The following FER variants were observed in gnomAD, a reference collection of about 807,000 sequenced individuals.
The protein encoded by FER is FER tyrosine kinase.
A neutral mutation model predicts 111.0 loss-of-function variants in FER; 63 were observed. That is an observed-to-expected ratio of 0.57 (90% CI 0.46 to 0.70). FER has a LOEUF of 0.70. Ranked by LOEUF, FER falls within the 30% of genes least tolerant of loss-of-function variation. FER has a pLI of 0.00. For missense variants in FER, 914 were observed against 954.0 expected (o/e 0.96, Z 0.55); for synonymous variants, 327 against 313.9 (o/e 1.04, Z -0.44).
At chr5:108,941,024 G>C (rs1756191521) in intron 10 of FER, among the ~76,000 whole-genome samples, 1 of 152,076 alleles carries the variant, frequency 6.6e-6, no homozygotes, top group South Asian at 2.1e-4. Flanking sequence ...TAAAGTAGTG[G>C]GTGAGAGCAA....
chr5:109,184,761 C>T (rs1758677855), intron 18 of FER, among the ~76,000 whole-genome samples: 1 of 152,350 alleles, frequency 6.6e-6, no homozygotes, highest in Middle Eastern at 3.4e-3. Flanking sequence ...CTACTTCACA[C>T]AGCTGGAGCT....
chr5:108,799,227 C>T (rs62363276), intron 3 of FER, among the ~76,000 whole-genome samples: 29,575 of 152,106 alleles, frequency 0.19, 3,138 homozygotes, highest in African/African-American at 0.28. Flanking sequence ...GCCAGAATTA[C>T]ACTGTTAATT....
At chr5:108,935,323 C>A (rs1357555803) in intron 10 of FER, among the ~76,000 whole-genome samples, 1 of 152,088 alleles carries the variant, frequency 6.6e-6, no homozygotes, top group Non-Finnish European at 1.5e-5. Flanking sequence ...TTCCTTGGTT[C>A]ATAAACACAT....
intron 16 of FER, among the ~76,000 whole-genome samples, chr5:109,096,862 C>G (rs2150057093): frequency 6.6e-6 from 1 of 151,386 alleles, no homozygotes; most frequent in African/African-American, 2.4e-5. Flanking sequence ...ACAGCAAACA[C>G]CAAGTCCCTA....
In FER at chr5:109,193,981, A is replaced by G. The variant is rs1759557820; in HGVS notation, c.*6406A>G. 6.6e-6 allele frequency: 1 copy of G among 152,186 alleles called. No homozygotes were observed. The highest frequency in any genetic ancestry group is 2.4e-5 in the African/African-American group (1 of 41,434). The allele number at this position is 152,186 out of a possible 1,614,324, so 9.4% of individuals were successfully genotyped here. On this transcript the variant is annotated 3_prime_UTR_variant, in exon 20 of 20. Coordinates refer to ENST00000281092, the MANE Select transcript of FER (RefSeq NM_005246.4). ...AGGATGATCAGGTCACACTTGTTAG[A>G]TGACTAACACTATCAGTAGAAGCTC...
rs144408665 is a variant in FER at position 108,922,095 on chromosome 5, A to G, written c.1237-24035A>G. Among the ~76,000 whole-genome samples the G allele has an allele frequency of 4.7e-3, 709 of 152,328 alleles. 2 individuals carry two copies. The highest frequency in any genetic ancestry group is 0.016 in the African/African-American group (675 of 41,580). ...CAGAGGCAGATATTGGAATTATGCT[A>G]TCACAAGCAAAGGAATGCCTGGGGC... On this transcript the variant is annotated intron_variant, in intron 10 of 19. Transcript: ENST00000281092.
chr5:109,028,274 T>C (rs183171325), intron 13 of FER, among the ~76,000 whole-genome samples: 10 of 152,328 alleles, frequency 6.6e-5, no homozygotes, highest in Admixed American at 5.9e-4. Context: ...TATAATCTAA[T>C]GAATGCAGTA....
chr5:108,995,509 A>G (rs939360297), intron 13 of FER, among the ~76,000 whole-genome samples: 6 of 151,802 alleles, frequency 4.0e-5, no homozygotes, highest in African/African-American at 4.8e-5. Flanking sequence ...GAATGAGAAC[A>G]TGTGGTGTTT....
intron 3 of FER, among the ~76,000 whole-genome samples, chr5:108,802,697 T>G (rs1756800663): frequency 1.3e-5 from 2 of 152,184 alleles, no homozygotes; most frequent in South Asian, 4.1e-4. Context: ...ATTTCTTTCT[T>G]TTTTATGACC....
intron 13 of FER, among the ~76,000 whole-genome samples, chr5:108,973,548 G>T (rs985890516): frequency 8.6e-5 from 13 of 151,804 alleles, no homozygotes; most frequent in Non-Finnish European, 1.5e-4. Context: ...CACCAAAAAT[G>T]GATTTTGTAG....
chr5:109,047,620 A>G (rs1363918523), intron 16 of FER, among the ~76,000 whole-genome samples: 1 of 152,094 alleles, frequency 6.6e-6, no homozygotes. Flanking sequence ...TTTTTTGTAG[A>G]AATGGAGTCT....
intron 5 of FER, among the ~76,000 whole-genome samples, chr5:108,852,634 A>G (rs903091746): frequency 6.6e-6 from 1 of 152,156 alleles, no homozygotes; most frequent in African/African-American, 2.4e-5. Flanking sequence ...TTCAAGCTAC[A>G]GTTGTTGGTC....
intron 17 of FER, among the ~76,000 whole-genome samples, chr5:109,147,827 A>T (rs1582256729): frequency 6.7e-6 from 1 of 150,280 alleles, no homozygotes; most frequent in Non-Finnish European, 1.5e-5. Context: ...AGAGAGAGAG[A>T]CAGAGACAGA....
chr5:108,819,658 A>G, intron 3 of FER: 1 of 329,748 alleles, frequency 3.0e-6, no homozygotes, highest in Non-Finnish European at 4.3e-6. Flanking sequence ...TCTCATTTAG[A>G]TAAGCAAAGT....
chr5:109,014,142 CA>C (rs1766701897), intron 13 of FER, among the ~76,000 whole-genome samples: 1 of 151,274 alleles, frequency 6.6e-6, no homozygotes, highest in African/African-American at 2.4e-5. Flanking sequence ...GTGTTTTAGA[CA>C]TGAAGTCCTT....
chr5:108,794,336 G>A (rs1755745290), intron 2 of FER, among the ~76,000 whole-genome samples: 1 of 151,692 alleles, frequency 6.6e-6, no homozygotes. Flanking sequence ...TCCTGCTGCG[G>A]CCTCCCTAGT....
intron 2 of FER, among the ~76,000 whole-genome samples, chr5:108,772,450 T>C (rs1427143511): frequency 6.6e-6 from 1 of 152,038 alleles, no homozygotes; most frequent in East Asian, 1.9e-4. Flanking sequence ...TGCTTGCTTT[T>C]TTTTTCATGA....
intron 18 of FER, among the ~76,000 whole-genome samples, chr5:109,184,240 A>C (rs1758612398): frequency 6.6e-6 from 1 of 152,220 alleles, no homozygotes; most frequent in African/African-American, 2.4e-5. Flanking sequence ...GATGTAACTA[A>C]GTACTGTGAA....
intron 13 of FER, among the ~76,000 whole-genome samples, chr5:108,997,851 G>T: frequency 6.6e-6 from 1 of 152,228 alleles, no homozygotes; most frequent in South Asian, 2.1e-4. Flanking sequence ...ATCTAGAGGG[G>T]CAGTCTGGCC....
Sources: allele counts gnomAD v4.1 joint callset (sites outside exome capture counted in the v4.1 genomes callset), GRCh38; gene constraint gnomAD v4.1.1; transcripts MANE v1.5; gene names NCBI Gene and HGNC (gene_info 2026-07-23, HGNC 2026-07-21).